The following PHLDB2 variants were observed in gnomAD, a reference collection of about 807,000 sequenced individuals.
PHLDB2 encodes the protein pleckstrin homology like domain family B member 2, also known as pleckstrin homology-like domain family B member 2.
PHLDB2 carries 71 observed loss-of-function variants against 123.6 expected under a neutral mutation model. The ratio of observed to expected loss-of-function variants is 0.57; its 90% confidence interval spans 0.47 to 0.70. The LOEUF is 0.70. Among genes scored for constraint, PHLDB2 ranks in the 30% least tolerant of loss-of-function variants. The pLI is 0.00. For missense variants in PHLDB2, 1,446 were observed against 1,519.5 expected (o/e 0.95, Z 0.80); for synonymous variants, 547 against 541.6 (o/e 1.01, Z -0.14).
intron 1 of PHLDB2, among the ~76,000 whole-genome samples, chr3:111,734,194 G>A (rs1941604127): frequency 6.6e-6 from 1 of 152,230 alleles, no homozygotes; most frequent in Non-Finnish European, 1.5e-5. Context: ...AAAATGTTAA[G>A]TGTGAATCTG....
intron 2 of PHLDB2, among the ~76,000 whole-genome samples, chr3:111,898,918 A>T (rs1239328029): frequency 6.6e-6 from 1 of 152,192 alleles, no homozygotes; most frequent in Non-Finnish European, 1.5e-5. Context: ...AGTCATCCAT[A>T]AGGACTGGAA....
At chr3:111,913,757 C>T (rs1440913533) in intron 3 of PHLDB2, 55 bp downstream of exon 3, 1 of 1,468,960 alleles carries the variant, frequency 6.8e-7, no homozygotes, top group Non-Finnish European at 9.2e-7. Flanking sequence ...TGTGCATATG[C>T]TTTGGCATGA....
chr3:111,948,894 G>A, intron 9 of PHLDB2, 38 bp from the exon 10 acceptor site: 1 of 1,606,848 alleles, frequency 6.2e-7, no homozygotes, highest in Non-Finnish European at 8.5e-7. Context: ...CTCAGCTTTT[G>A]CTTTCTTTGT....
chr3:111,768,559 T>C (rs745585580), intron 1 of PHLDB2, among the ~76,000 whole-genome samples: 3 of 152,116 alleles, frequency 2.0e-5, no homozygotes, highest in Non-Finnish European at 4.4e-5. Context: ...CTATAAGATT[T>C]CAGGGAGTTT....
chr3:111,846,919 A>T (rs1254980144), intron 2 of PHLDB2, among the ~76,000 whole-genome samples: 1 of 152,192 alleles, frequency 6.6e-6, no homozygotes, highest in African/African-American at 2.4e-5. Context: ...AAAACCAGTC[A>T]TGGTTTTGGA....
chr3:111,953,061 C>T (rs1472540522), intron 11 of PHLDB2, among the ~76,000 whole-genome samples: 2 of 152,176 alleles, frequency 1.3e-5, no homozygotes, highest in African/African-American at 4.8e-5. Context: ...TTTATTCAGA[C>T]ATTTTCATGT....
chr3:111,921,644 C>G (rs1199335515), intron 5 of PHLDB2, among the ~76,000 whole-genome samples: 1 of 140,862 alleles, frequency 7.1e-6, no homozygotes, highest in Non-Finnish European at 1.5e-5. Context: ...CACTCTGTCG[C>G]CCAGGCTGGA....
At chr3:111,890,415 T>C (rs1464185443) in intron 2 of PHLDB2, among the ~76,000 whole-genome samples, 1 of 152,220 alleles carries the variant, frequency 6.6e-6, no homozygotes, top group East Asian at 1.9e-4. Flanking sequence ...GAGATATACT[T>C]CATGGGCAGT....
chr3:111,827,514 A>C (rs144480655), intron 1 of PHLDB2, among the ~76,000 whole-genome samples: 6,651 of 152,140 alleles, frequency 0.044, 220 homozygotes, highest in Middle Eastern at 0.099. Flanking sequence ...TCTCTACTAA[A>C]AATACAAAAA....
At position 111,753,709 on chromosome 3, in the gene PHLDB2, T is replaced by C. The variant is rs28888721; in HGVS notation, c.-49+21006T>C. Among the ~76,000 whole-genome samples, 536 of 152,212 alleles carry C rather than the reference T, an allele frequency of 3.5e-3. 11 individuals are homozygous for C. Among genetic ancestry groups the C allele is most frequent in the Non-Finnish European group, 7.8e-4 (53 of 68,002 alleles). Reference sequence around the variant, plus strand: ...TTGCCATTGCTTTTGGTGTTTTAGATATGAAGTCCTTGCCCATGCCTATGT... The same window carrying C: ...TTGCCATTGCTTTTGGTGTTTTAGACATGAAGTCCTTGCCCATGCCTATGT... On this transcript the variant is annotated intron_variant, in intron 1 of 17. Transcript: ENST00000393923.
chr3:111,958,803 C>G, intron 12 of PHLDB2: 1 of 445,266 alleles, frequency 2.2e-6, no homozygotes, highest in South Asian at 1.6e-5. Flanking sequence ...CAAATAGTCT[C>G]AGGGGTTGGG....
intron 1 of PHLDB2, among the ~76,000 whole-genome samples, chr3:111,742,712 G>C (rs1287076618): frequency 6.6e-6 from 1 of 152,124 alleles, no homozygotes; most frequent in Non-Finnish European, 1.5e-5. Context: ...GTCTAAAGTT[G>C]TTGGACATTT....
chr3:111,906,552 C>A (rs1291564967), intron 2 of PHLDB2, among the ~76,000 whole-genome samples: 1 of 152,128 alleles, frequency 6.6e-6, no homozygotes, highest in Non-Finnish European at 1.5e-5. Context: ...GCAGAATGGC[C>A]TTGGTCTCCT....
chr3:111,785,071 T>C (rs912711868), intron 1 of PHLDB2, among the ~76,000 whole-genome samples: 2 of 152,166 alleles, frequency 1.3e-5, no homozygotes, highest in Non-Finnish European at 2.9e-5. Flanking sequence ...TTCCATCAGC[T>C]GTGTGTGAGA....
intron 1 of PHLDB2, among the ~76,000 whole-genome samples, chr3:111,752,828 G>A (rs2059806749): frequency 6.6e-6 from 1 of 150,842 alleles, no homozygotes; most frequent in Admixed American, 6.6e-5. Flanking sequence ...TCCCCAGAGT[G>A]TGATGTTCCC....
chr3:111,880,242 A>G (rs2065870136), intron 1 of PHLDB2, among the ~76,000 whole-genome samples: 1 of 152,018 alleles, frequency 6.6e-6, no homozygotes, highest in Admixed American at 6.6e-5. Context: ...AGTGCTTTCC[A>G]TAGGGTACCA....
chr3:111,741,844 T>G (rs1469222977), intron 1 of PHLDB2, among the ~76,000 whole-genome samples: 1 of 152,204 alleles, frequency 6.6e-6, no homozygotes, highest in Non-Finnish European at 1.5e-5. Context: ...TCTTTCATGA[T>G]GTCTAAACAA....
chr3:111,948,138 T>C (rs957068032), intron 9 of PHLDB2, among the ~76,000 whole-genome samples: 1 of 152,206 alleles, frequency 6.6e-6, no homozygotes, highest in Non-Finnish European at 1.5e-5. Flanking sequence ...AACTGAATTA[T>C]TGAGTTCAAA....
At chr3:111,840,495 A>G (rs906894870) in intron 1 of PHLDB2, among the ~76,000 whole-genome samples, 2 of 152,176 alleles carry the variant, frequency 1.3e-5, no homozygotes, top group African/African-American at 4.8e-5. Context: ...TTGATATTGG[A>G]TAATGGCTTG....
Sources: gnomAD v4.1 joint callset for allele counts (sites outside exome capture counted in the v4.1 genomes callset) on GRCh38, gnomAD v4.1.1 for gene constraint, MANE v1.5 for transcripts, NCBI Gene and HGNC (gene_info 2026-07-23, HGNC 2026-07-21) for gene names.